The following CSMD1 variants were observed in gnomAD, a reference collection of about 807,000 sequenced individuals.
CSMD1 encodes CUB and Sushi multiple domains 1.
CSMD1 carries 213 observed loss-of-function variants against 417.5 expected under a neutral mutation model. That is an observed-to-expected ratio of 0.51 (90% CI 0.46 to 0.57). The LOEUF is 0.57. Ranked by LOEUF, CSMD1 falls within the 20% of genes least tolerant of loss-of-function variation. The probability of loss-of-function intolerance (pLI) is 0.00; values close to 1 mark genes in which losing one functional copy is unlikely to be tolerated. For synonymous variants in CSMD1, 2,862 were observed against 1,736.8 expected (o/e 1.65, Z -16.11); for missense variants, 6,923 against 4,529.7 (o/e 1.53, Z -15.17).
At chr8:4,492,863 G>A (rs576681075) in intron 2 of CSMD1, among the ~76,000 whole-genome samples, 32 of 152,268 alleles carry the variant, frequency 2.1e-4, no homozygotes, top group African/African-American at 7.7e-4. Flanking sequence ...TACAGAACAT[G>A]CTTGAAAAAT....
chr8:3,369,917 T>C (rs1809841525), intron 18 of CSMD1, among the ~76,000 whole-genome samples: 1 of 152,204 alleles, frequency 6.6e-6, no homozygotes, highest in Admixed American at 6.5e-5. Flanking sequence ...AGCTCTGTGA[T>C]CTCTGGTAAG....
intron 3 of CSMD1, among the ~76,000 whole-genome samples, chr8:4,288,311 C>T (rs75691402): frequency 0.022 from 3,323 of 152,134 alleles, 137 homozygotes; most frequent in African/African-American, 0.076. Context: ...ATTTTTGGGG[C>T]CACCCTGAAG....
chr8:3,441,739 C>T (rs914662928), intron 12 of CSMD1, among the ~76,000 whole-genome samples: 7 of 152,040 alleles, frequency 4.6e-5, no homozygotes, highest in Admixed American at 6.6e-5. Flanking sequence ...TGCAACTGTA[C>T]ACAGCAGGTA....
At chr8:4,136,562 T>C (rs1793008136) in intron 3 of CSMD1, among the ~76,000 whole-genome samples, 1 of 152,158 alleles carries the variant, frequency 6.6e-6, no homozygotes, top group South Asian at 2.1e-4. Flanking sequence ...GCAAAATGCC[T>C]CTAATTTACA....
chr8:4,165,446 G>T (rs956178624), intron 3 of CSMD1, among the ~76,000 whole-genome samples: 3 of 152,128 alleles, frequency 2.0e-5, no homozygotes, highest in Admixed American at 6.6e-5. Flanking sequence ...ATGCTATGTC[G>T]CCCAGGCTGA....
intron 6 of CSMD1, among the ~76,000 whole-genome samples, chr8:3,742,205 T>A (rs1257153355): frequency 6.6e-6 from 1 of 152,166 alleles, no homozygotes; most frequent in East Asian, 1.9e-4. Context: ...GAAGTGATCA[T>A]TCCAATCTGG....
intron 4 of CSMD1, among the ~76,000 whole-genome samples, chr8:4,014,632 T>C (rs1796435453): frequency 6.6e-6 from 1 of 152,178 alleles, no homozygotes. Context: ...ACTTAACAAA[T>C]TCAGAGCCTG....
At chr8:4,406,542 G>C (rs997769840) in intron 3 of CSMD1, among the ~76,000 whole-genome samples, 2 of 152,074 alleles carry the variant, frequency 1.3e-5, no homozygotes, top group Non-Finnish European at 2.9e-5. Flanking sequence ...GAAGTTTGAG[G>C]AGCACAGAGT....
In CSMD1 at chr8:3,062,257, T is replaced by C. The variant is rs187269196; in HGVS notation, c.7475-9610A>G. 2.0e-4 allele frequency among the ~76,000 whole-genome samples: 30 copies of C among 152,192 alleles called. 1 individual carries two copies. Among genetic ancestry groups the C allele is most frequent in the East Asian group, 1.5e-3 (8 of 5,164 alleles). ...TTTGACATGTAGCCATCATCCAATA[T>C]ACCATTAATACCATGCTGAAGGCTG... On this transcript the variant is annotated intron_variant, in intron 49 of 69. Transcript: ENST00000635120.
At chr8:3,511,706 T>C (rs1357077748) in intron 10 of CSMD1, among the ~76,000 whole-genome samples, 1 of 149,066 alleles carries the variant, frequency 6.7e-6, no homozygotes, top group African/African-American at 2.6e-5. Context: ...TGTGGTGAGA[T>C]GAGATCACTA....
chr8:4,718,064 A>G (rs1375895466), intron 1 of CSMD1, among the ~76,000 whole-genome samples: 1 of 152,040 alleles, frequency 6.6e-6, no homozygotes. Flanking sequence ...TGCAGCCTCT[A>G]CCTCCCTGGA....
intron 8 of CSMD1, among the ~76,000 whole-genome samples, chr8:3,601,103 T>C (rs146253740): frequency 5.8e-4 from 88 of 152,336 alleles, no homozygotes; most frequent in African/African-American, 2.0e-3. Context: ...GAAACCTCCA[T>C]GACTCCTGTA....
At chr8:3,860,559 GA>G (rs1027272666) in intron 5 of CSMD1, among the ~76,000 whole-genome samples, 1 of 152,068 alleles carries the variant, frequency 6.6e-6, no homozygotes, top group African/African-American at 2.4e-5. Context: ...AATGATATCA[GA>G]AAATACGCAT....
At chr8:4,601,672 C>T (rs1201847156) in intron 2 of CSMD1, among the ~76,000 whole-genome samples, 2 of 152,156 alleles carry the variant, frequency 1.3e-5, no homozygotes, top group East Asian at 3.9e-4. Context: ...TTTCTCCATA[C>T]CCCTCATCAT....
At chr8:3,712,510 C>G (rs1316696617) in intron 6 of CSMD1, among the ~76,000 whole-genome samples, 1 of 152,116 alleles carries the variant, frequency 6.6e-6, no homozygotes, top group Non-Finnish European at 1.5e-5. Context: ...CAAATCCCTG[C>G]AATAGCCTCT....
chr8:3,444,079 A>G, intron 12 of CSMD1, among the ~76,000 whole-genome samples: 1 of 152,172 alleles, frequency 6.6e-6, no homozygotes. Flanking sequence ...ATACACACAC[A>G]CACGCACATA....
At chr8:3,529,871 A>G (rs1263517913) in intron 10 of CSMD1, among the ~76,000 whole-genome samples, 1 of 152,202 alleles carries the variant, frequency 6.6e-6, no homozygotes, top group Non-Finnish European at 1.5e-5. Flanking sequence ...TTATAGCAAG[A>G]GAGAAGCAGG....
At chr8:4,549,540 G>C (rs954415025) in intron 2 of CSMD1, among the ~76,000 whole-genome samples, 1 of 152,010 alleles carries the variant, frequency 6.6e-6, no homozygotes, top group Non-Finnish European at 1.5e-5. Flanking sequence ...ACCCAAGAAA[G>C]ACAGTCATGT....
chr8:4,853,311 G>C (rs1403382311), intron 1 of CSMD1, among the ~76,000 whole-genome samples: 1 of 152,180 alleles, frequency 6.6e-6, no homozygotes, highest in African/African-American at 2.4e-5. Flanking sequence ...GAGACTCAGG[G>C]CTCTGAAGCC....
Sources: allele counts gnomAD v4.1 joint callset (sites outside exome capture counted in the v4.1 genomes callset), GRCh38; gene constraint gnomAD v4.1.1; transcripts MANE v1.5; gene names NCBI Gene and HGNC (gene_info 2026-07-23, HGNC 2026-07-21).